Variants in MARCHF6 observed in about 807,000 individuals in gnomAD.
MARCHF6 encodes membrane associated ring-CH-type finger 6.
MARCHF6 carries 31 observed loss-of-function variants against 133.7 expected under a neutral mutation model. The ratio of observed to expected loss-of-function variants is 0.23; its 90% CI spans 0.17 to 0.31. The LOEUF (loss-of-function observed/expected upper bound fraction) is 0.31, where lower values mean the gene tolerates loss of function less well. Among genes scored for constraint, MARCHF6 ranks in the 10% least tolerant of loss-of-function variants. The pLI is 1.00. For missense variants in MARCHF6, 723 were observed against 1,121.6 expected (o/e 0.64, Z 5.08); for synonymous variants, 395 against 402.5 (o/e 0.98, Z 0.22).
chr5:10,364,002 G>A (rs766107941), intron 1 of MARCHF6, among the ~76,000 whole-genome samples: 1 of 152,196 alleles, frequency 6.6e-6, no homozygotes, highest in Non-Finnish European at 1.5e-5. Context: ...CTTTTGGGAT[G>A]ATGATAATGT....
intron 1 of MARCHF6, among the ~76,000 whole-genome samples, chr5:10,375,698 T>G (rs1408023992): frequency 1.3e-5 from 2 of 152,168 alleles, no homozygotes; most frequent in Non-Finnish European, 2.9e-5. Flanking sequence ...CCTGTGTGTT[T>G]AGCTCAAGGT....
chr5:10,401,629 A>C (rs1738540085), intron 11 of MARCHF6: 1 of 182,796 alleles, frequency 5.5e-6, no homozygotes, highest in Non-Finnish European at 1.1e-5. Context: ...AGAGCAAGGG[A>C]AACTTGAACA....
At chr5:10,401,046 T>A (rs1561130186) in intron 11 of MARCHF6, 1 of 510,168 alleles carries the variant, frequency 2.0e-6, no homozygotes, top group Non-Finnish European at 3.5e-6. Flanking sequence ...GAAAATGTGC[T>A]CTGAAATCCA....
intron 14 of MARCHF6, 81 bp from the exon 15 acceptor site, chr5:10,403,326 T>A: frequency 7.1e-7 from 1 of 1,403,528 alleles, no homozygotes; most frequent in East Asian, 2.3e-5. Context: ...ATATTGATTA[T>A]TTATTTCCTA....
At position 10,394,152 on chromosome 5, in the gene MARCHF6, T is replaced by C. The variant is rs569942235; in HGVS notation, c.828+9T>C. ...AGCTTACATGGGAAAGAGTAAGACC[T>C]TTTTCTGTCAAGTATCCTGGTGTTT... is the stretch of plus-strand genomic sequence containing the variant. On this transcript the variant is annotated intron_variant, in intron 8 of 25. Coordinates refer to ENST00000274140, the MANE Select transcript of MARCHF6 (RefSeq NM_005885.4). 2.0e-6 allele frequency: 3 copies of C among 1,532,322 alleles called. No individual in the cohort carries two copies. The African/African-American group carries it at 4.1e-5, about 21-fold the overall frequency. The allele number at this position is 1,532,322 out of a possible 1,614,324, so 94.9% of individuals were successfully genotyped here.
intron 4 of MARCHF6, among the ~76,000 whole-genome samples, chr5:10,384,908 C>T (rs1737373921): frequency 1.3e-5 from 2 of 152,130 alleles, no homozygotes; most frequent in African/African-American, 4.8e-5. Context: ...AGAATGACCA[C>T]AGCAGTTTTA....
In MARCHF6 at chr5:10,439,665, A is replaced by G. The variant is rs1489777342; in HGVS notation, c.*5981A>G. 6.6e-6 allele frequency: 1 copy of G among 152,140 alleles called. No homozygotes were observed. The allele number at this position is 152,140 out of a possible 1,614,324, so 9.4% of individuals were successfully genotyped here. ...CTGCCCCTGCTCTCTCTCCTTTTCCATTTGTTTTCAACATTGAATCCAGAA... is the reference window on the plus strand; with the variant it reads ...CTGCCCCTGCTCTCTCTCCTTTTCCGTTTGTTTTCAACATTGAATCCAGAA... On this transcript the variant is annotated 3_prime_UTR_variant, in exon 26 of 26. Coordinates refer to ENST00000274140, the MANE Select transcript of MARCHF6 (RefSeq NM_005885.4).
rs143228471 is a variant in MARCHF6 at position 10,403,529 on chromosome 5, A to G, written c.1320A>G (p.Leu440=). ...TCTTCTACTTTGCCTCCTTCATTCTACTACTGAGAGAGGTAAGTCCACAGG... is the reference window on the plus strand; with the variant it reads ...TCTTCTACTTTGCCTCCTTCATTCTGCTACTGAGAGAGGTAAGTCCACAGG... ...VYVFYFASFI[L]LLREVLRPGV... The change falls in exon 15 of 26, where the codon CTA becomes CTG. Residue 440 remains leucine, a synonymous_variant. Transcript: ENST00000274140. 935 of 1,611,936 alleles carry G rather than the reference A, an allele frequency of 5.8e-4. 6 individuals carry two copies. Among genetic ancestry groups the G allele is most frequent in the South Asian group, 3.8e-3 (343 of 90,632 alleles).
rs975027330 is a variant in MARCHF6, at chr5:10,390,383, A to G, written c.459A>G (p.Thr153=). ...AGGGTTGTTTTGTGGTGACGTGCAC[A>G]CTGTGTGCATTCATCAGCCTGGTGT... The part of the protein sequence containing the change: ...CLQGCFVVTC[T]LCAFISLVWL... The change falls in exon 6 of 26, where the codon ACA becomes ACG. Residue 153 remains threonine, a synonymous_variant. Coordinates refer to ENST00000274140, the MANE Select transcript of MARCHF6 (RefSeq NM_005885.4). The G allele has an allele frequency of 2.0e-5, 33 of 1,613,780 alleles. No individual in the cohort carries two copies. Among genetic ancestry groups the G allele is most frequent in the Non-Finnish European group, 2.7e-5 (32 of 1,179,986 alleles).
At chr5:10,403,273 G>A in intron 14 of MARCHF6, 134 bp from the exon 15 acceptor site, 1 of 753,622 alleles carries the variant, frequency 1.3e-6, no homozygotes, top group Non-Finnish European at 2.1e-6. Flanking sequence ...ACCGTGGAAT[G>A]ACATTAAGTG....
At chr5:10,390,976 A>G (rs1383305885) in intron 6 of MARCHF6, among the ~76,000 whole-genome samples, 1 of 152,222 alleles carries the variant, frequency 6.6e-6, no homozygotes. Flanking sequence ...TAATCCGCTA[A>G]ATTATACTGA....
chr5:10,431,329 T>G (rs1167150483), intron 25 of MARCHF6, among the ~76,000 whole-genome samples: 3 of 152,174 alleles, frequency 2.0e-5, no homozygotes, highest in Admixed American at 1.3e-4. Flanking sequence ...AAGCAAGACG[T>G]GCCCTCAGGG....
intron 15 of MARCHF6, among the ~76,000 whole-genome samples, chr5:10,404,145 G>A (rs1738729412): frequency 6.6e-6 from 1 of 151,456 alleles, no homozygotes; most frequent in South Asian, 2.1e-4. Flanking sequence ...CCATGATCTT[G>A]GAACCTCCAC....
rs1197440321 is a variant in MARCHF6, at chr5:10,381,894, T to A, written c.285T>A (p.His95Gln). ...GCACTGCAATACGATATTGGTTTCA[T>A]TATACACTTGTGGCCTTTGCATGGT... ...SIGTAIRYWF[H>Q]YTLVAFAWLG... Residue 95 changes from histidine to glutamine, a missense_variant, in exon 4 of 26, where the codon CAT (histidine) becomes CAA (glutamine). By Grantham distance (24) the His-to-Gln change is conservative (BLOSUM62 0). This residue lies in a region of MARCHF6 where 91 missense variants were observed against 208.8 expected (regional missense o/e 0.44). Coordinates refer to ENST00000274140, the MANE Select transcript of MARCHF6 (RefSeq NM_005885.4). The A allele has an allele frequency of 6.2e-7, 1 of 1,613,642 alleles. No individual in the cohort carries two copies. Among genetic ancestry groups the A allele is most frequent in the Non-Finnish European group, 8.5e-7 (1 of 1,179,760 alleles).
chr5:10,410,426 T>G, intron 18 of MARCHF6, 150 bp downstream of exon 18: 1 of 911,834 alleles, frequency 1.1e-6, no homozygotes, highest in East Asian at 2.8e-5. Flanking sequence ...ATATAATACT[T>G]CTAAATGAAA....
intron 22 of MARCHF6, among the ~76,000 whole-genome samples, chr5:10,423,387 A>G (rs1190246137): frequency 3.9e-5 from 6 of 152,258 alleles, no homozygotes; most frequent in Non-Finnish European, 4.4e-5. Context: ...AAATCAGCTC[A>G]CTTGAAACCA....
intron 7 of MARCHF6, 40 bp downstream of exon 7, chr5:10,391,771 A>C: frequency 7.0e-7 from 1 of 1,436,396 alleles, no homozygotes; most frequent in Non-Finnish European, 9.2e-7. Flanking sequence ...CAGCACTGCA[A>C]ATCTGTTCTC....
rs778124400 is a variant in MARCHF6, at chr5:10,426,398, A to G, written c.2382A>G (p.Ala794=). 8.7e-6 allele frequency: 14 copies of G among 1,613,514 alleles called. No homozygotes were observed. The highest frequency in any genetic ancestry group is 1.2e-5 in the Non-Finnish European group (14 of 1,179,776). The part of the protein sequence containing the change: ...WLKTVIEQVY[A]NGIRNIDLHY... Reference sequence around the variant, plus strand: ...TTTTTGTAATGTTTCAGGTTTACGCAAATGGCATCCGGAACATTGACCTTC... The same window carrying G: ...TTTTTGTAATGTTTCAGGTTTACGCGAATGGCATCCGGAACATTGACCTTC... The change falls in exon 24 of 26, where the codon GCA becomes GCG. Residue 794 remains alanine, a synonymous_variant. Coordinates refer to ENST00000274140, the MANE Select transcript of MARCHF6 (RefSeq NM_005885.4).
chr5:10,428,426 C>A (rs1187699227), intron 24 of MARCHF6, among the ~76,000 whole-genome samples: 13 of 149,534 alleles, frequency 8.7e-5, no homozygotes, highest in African/African-American at 3.0e-4. Context: ...GCTGCAACCT[C>A]CACCTCCTGG....
Sources: allele counts gnomAD v4.1 joint callset (sites outside exome capture counted in the v4.1 genomes callset), GRCh38; gene constraint gnomAD v4.1.1; regional missense constraint gnomAD v4.1.1; transcripts MANE v1.5; gene names NCBI Gene and HGNC (gene_info 2026-07-23, HGNC 2026-07-21).